Variants in DCC observed in about 807,000 individuals in gnomAD.
DCC encodes netrin receptor DCC.
A neutral mutation model predicts 172.5 loss-of-function variants in DCC; 58 were observed. That is an observed-to-expected ratio of 0.34 (90% CI 0.27 to 0.42). The LOEUF is 0.42. Ranked by LOEUF, DCC falls within the 10% of genes least tolerant of loss-of-function variation. The pLI is 1.00. For missense variants in DCC, 1,740 were observed against 1,791.0 expected (o/e 0.97, Z 0.51); for synonymous variants, 709 against 644.5 (o/e 1.10, Z -1.52).
intron 22 of DCC, among the ~76,000 whole-genome samples, chr18:53,437,484 G>A (rs1912018083): frequency 6.8e-6 from 1 of 148,012 alleles, no homozygotes. Flanking sequence ...GGAGGCTGAG[G>A]CAACAGGAGA....
chr18:52,377,763 G>A (rs2144315656), intron 1 of DCC, among the ~76,000 whole-genome samples: 1 of 148,642 alleles, frequency 6.7e-6, no homozygotes, highest in South Asian at 2.1e-4. Flanking sequence ...GTAAAGTGCA[G>A]TGACACAATC....
At chr18:53,272,300 T>C (rs577549892) in intron 12 of DCC, among the ~76,000 whole-genome samples, 1 of 152,240 alleles carries the variant, frequency 6.6e-6, no homozygotes, top group African/African-American at 2.4e-5. Context: ...AGGAAATATA[T>C]AGGATTTATT....
chr18:53,196,264 C>G (rs1424559048), intron 9 of DCC, among the ~76,000 whole-genome samples: 1 of 152,132 alleles, frequency 6.6e-6, no homozygotes, highest in Non-Finnish European at 1.5e-5. Context: ...ACTTAGAAAT[C>G]AGCACTTGAA....
intron 15 of DCC, among the ~76,000 whole-genome samples, chr18:53,354,421 T>C (rs545293820): frequency 2.0e-4 from 30 of 152,218 alleles, no homozygotes; most frequent in African/African-American, 5.1e-4. Flanking sequence ...CTCTCCAGCA[T>C]CTGTTGTTTC....
At chr18:53,208,685 A>G (rs1035892404) in intron 11 of DCC, among the ~76,000 whole-genome samples, 43 of 152,160 alleles carry the variant, frequency 2.8e-4, no homozygotes, top group African/African-American at 9.9e-4. Flanking sequence ...CAGTGACTCA[A>G]TTGTGCTTCA....
chr18:52,448,366 C>T (rs545314830), intron 1 of DCC, among the ~76,000 whole-genome samples: 1 of 152,240 alleles, frequency 6.6e-6, no homozygotes, highest in Non-Finnish European at 1.5e-5. Flanking sequence ...CTAGTCCAAC[C>T]TTGAAGATAG....
chr18:52,485,939 A>C (rs1199602760), intron 1 of DCC, among the ~76,000 whole-genome samples: 2 of 152,130 alleles, frequency 1.3e-5, no homozygotes, highest in African/African-American at 2.4e-5. Flanking sequence ...AGCATGCAGA[A>C]AAGAAAACAA....
At chr18:52,748,912 T>A (rs1296404572) in intron 1 of DCC, among the ~76,000 whole-genome samples, 1 of 152,168 alleles carries the variant, frequency 6.6e-6, no homozygotes, top group Non-Finnish European at 1.5e-5. Context: ...AAAGCATTAT[T>A]CAGGCTGGAC....
chr18:53,310,523 G>C (rs532189274), intron 13 of DCC, among the ~76,000 whole-genome samples: 38 of 152,088 alleles, frequency 2.5e-4, no homozygotes, highest in Middle Eastern at 3.4e-3. Flanking sequence ...CAATAACAAA[G>C]TAATTCAGAG....
intron 1 of DCC, among the ~76,000 whole-genome samples, chr18:52,587,092 A>G (rs534497078): frequency 6.6e-6 from 1 of 152,326 alleles, no homozygotes; most frequent in Admixed American, 6.5e-5. Context: ...CAGTGAGGAC[A>G]AACCTCTGCC....
chr18:53,465,363 A>G (rs2045608293), intron 24 of DCC, among the ~76,000 whole-genome samples: 1 of 152,016 alleles, frequency 6.6e-6, no homozygotes, highest in Non-Finnish European at 1.5e-5. Context: ...TGTTAACCCA[A>G]TTCTGTTTGG....
At chr18:52,967,433 G>A (rs373111605) in intron 5 of DCC, among the ~76,000 whole-genome samples, 3 of 152,290 alleles carry the variant, frequency 2.0e-5, no homozygotes, top group African/African-American at 7.2e-5. Context: ...GCAACCAAGT[G>A]TATAATATGT....
rs542670126 is a variant in DCC at position 53,261,236 on chromosome 18, G to T, written c.1912-44342G>T. Among the ~76,000 whole-genome samples, 4 of 152,274 alleles carry T rather than the reference G, an allele frequency of 2.6e-5. No individual in the cohort carries two copies. The South Asian group carries it at 8.3e-4, about 32-fold the overall frequency. ...TGCACCCACTGCCTGACACTCCCCA[G>T]TGAGATGAACCCGGTACCTCAGTTG... On this transcript the variant is annotated intron_variant, in intron 12 of 28. Coordinates refer to ENST00000442544, the MANE Select transcript of DCC (RefSeq NM_005215.4).
At chr18:52,348,094 C>T (rs985613462) in intron 1 of DCC, among the ~76,000 whole-genome samples, 1 of 152,054 alleles carries the variant, frequency 6.6e-6, no homozygotes, top group African/African-American at 2.4e-5. Flanking sequence ...TGTGTATATT[C>T]TCTGACTTGC....
chr18:52,890,814 A>G (rs1007384997), intron 2 of DCC, among the ~76,000 whole-genome samples: 11 of 152,138 alleles, frequency 7.2e-5, no homozygotes, highest in Non-Finnish European at 1.5e-4. Context: ...GGCTAAGAGA[A>G]GAGTAAAATA....
At chr18:53,281,808 A>G (rs1344637710) in intron 12 of DCC, among the ~76,000 whole-genome samples, 2 of 145,444 alleles carry the variant, frequency 1.4e-5, no homozygotes, top group African/African-American at 2.6e-5. Context: ...TTGCCAGTAT[A>G]CCACCAGAAT....
chr18:52,467,397 A>G (rs1158500526), intron 1 of DCC, among the ~76,000 whole-genome samples: 1 of 152,136 alleles, frequency 6.6e-6, no homozygotes, highest in Admixed American at 6.5e-5. Flanking sequence ...TTATGGCTGC[A>G]TAGTATTCCA....
At chr18:52,928,026 C>T (rs1369158374) in intron 5 of DCC, among the ~76,000 whole-genome samples, 1 of 152,074 alleles carries the variant, frequency 6.6e-6, no homozygotes, top group East Asian at 1.9e-4. Context: ...AAATGCCAAT[C>T]AGTGGTAGAC....
intron 3 of DCC, among the ~76,000 whole-genome samples, chr18:52,918,637 T>C (rs2145476600): frequency 6.6e-6 from 1 of 152,272 alleles, no homozygotes; most frequent in African/African-American, 2.4e-5. Flanking sequence ...CCACCCATAA[T>C]TCCATCACAC....
Sources: gnomAD v4.1 joint callset for allele counts (sites outside exome capture counted in the v4.1 genomes callset) on GRCh38, gnomAD v4.1.1 for gene constraint, MANE v1.5 for transcripts, NCBI Gene and HGNC (gene_info 2026-07-23, HGNC 2026-07-21) for gene names.